ESRRG: variants seen among roughly 807,000 people sequenced by gnomAD.
ESRRG encodes the protein estrogen related receptor gamma, also known as estrogen-related receptor gamma.
Under a neutral mutation model 44.0 loss-of-function variants are expected in ESRRG, and 13 were observed. The observed-to-expected ratio is 0.30, with a 90% confidence interval of 0.19 to 0.47. ESRRG has a LOEUF of 0.47. ESRRG is among the 20% of genes least tolerant of loss of function. The probability of loss-of-function intolerance (pLI) is 1.00; values close to 1 mark genes in which losing one functional copy is unlikely to be tolerated. For synonymous variants in ESRRG, 215 were observed against 214.6 expected, an observed-to-expected ratio of 1.00 and a Z score of -0.02; for missense variants, 395 against 580.6, an observed-to-expected ratio of 0.68 and a Z score of 3.29.
In ESRRG at chr1:216,886,675, A is replaced by T. The variant is rs796613342; in HGVS notation, c.-14+52907T>A. Among the ~76,000 whole-genome samples, 12 of 152,242 alleles carry T rather than the reference A, an allele frequency of 7.9e-5. 1 individual carries two copies. Among genetic ancestry groups the T allele is most frequent in the African/African-American group, 2.6e-4 (11 of 41,542 alleles). Reference sequence around the variant, plus strand: ...ATTTTGTTTTTCCATTATCTTAATTACTAGATTGCCAGGATCCACAAATAT... The same window carrying T: ...ATTTTGTTTTTCCATTATCTTAATTTCTAGATTGCCAGGATCCACAAATAT... On this transcript the variant is annotated intron_variant, in intron 2 of 7. Transcript: ENST00000359162.
intron 2 of ESRRG, among the ~76,000 whole-genome samples, chr1:216,911,036 A>G (rs1356956573): frequency 6.6e-6 from 1 of 152,168 alleles, no homozygotes; most frequent in Non-Finnish European, 1.5e-5. Flanking sequence ...TGTTTATTCT[A>G]CATTTATTTA....
chr1:216,737,236 G>A (rs1380387395), intron 2 of ESRRG, among the ~76,000 whole-genome samples: 1 of 152,086 alleles, frequency 6.6e-6, no homozygotes, highest in Non-Finnish European at 1.5e-5. Flanking sequence ...TAAAATTGGT[G>A]GAGACAGATA....
intron 2 of ESRRG, among the ~76,000 whole-genome samples, chr1:216,900,983 C>T (rs1461415213): frequency 6.6e-6 from 1 of 152,122 alleles, no homozygotes; most frequent in Non-Finnish European, 1.5e-5. Context: ...CTTGCTAGCT[C>T]CCAGCTGTCA....
intron 1 of ESRRG, among the ~76,000 whole-genome samples, chr1:216,991,163 GA>G (rs761717695): frequency 0.017 from 2,554 of 152,160 alleles, 27 homozygotes; most frequent in Non-Finnish European, 0.027. Context: ...CTGATGATCT[GA>G]GGTAAAACAG....
chr1:216,830,859 A>G (rs376476583), intron 2 of ESRRG, among the ~76,000 whole-genome samples: 2 of 152,242 alleles, frequency 1.3e-5, no homozygotes, highest in African/African-American at 4.8e-5. Flanking sequence ...TTATGAGGCT[A>G]TAAATAATGT....
At chr1:217,114,571 T>C (rs2092697933) in intron 1 of ESRRG, among the ~76,000 whole-genome samples, 1 of 151,936 alleles carries the variant, frequency 6.6e-6, no homozygotes, top group Non-Finnish European at 1.5e-5. Context: ...ACTCTGAAAA[T>C]AATTAACTGA....
At chr1:216,779,127 T>A (rs1339664268) in intron 2 of ESRRG, among the ~76,000 whole-genome samples, 1 of 122,234 alleles carries the variant, frequency 8.2e-6, no homozygotes, top group East Asian at 2.2e-4. Context: ...TAATTATATA[T>A]GTAAATATAA....
intron 2 of ESRRG, among the ~76,000 whole-genome samples, chr1:216,823,967 A>G (rs1052895771): frequency 2.0e-5 from 3 of 152,138 alleles, no homozygotes; most frequent in Non-Finnish European, 4.4e-5. Context: ...TGAGCTCTAC[A>G]GTACTTGAGG....
chr1:216,580,588 T>A (rs1294923940), intron 3 of ESRRG, among the ~76,000 whole-genome samples: 1 of 152,164 alleles, frequency 6.6e-6, no homozygotes, highest in East Asian at 1.9e-4. Context: ...ACTTGGGAAA[T>A]TTGACAAATG....
At chr1:216,675,685 C>T (rs1012792404) in intron 2 of ESRRG, among the ~76,000 whole-genome samples, 3 of 152,184 alleles carry the variant, frequency 2.0e-5, no homozygotes, top group African/African-American at 7.2e-5. Context: ...CTAGGCCCAC[C>T]CTCAGAGATT....
intron 1 of ESRRG, among the ~76,000 whole-genome samples, chr1:216,722,626 G>A (rs1470073630): frequency 6.6e-6 from 1 of 151,918 alleles, no homozygotes; most frequent in Non-Finnish European, 1.5e-5. Flanking sequence ...TATTTATAAT[G>A]TGTGAAAATC....
intron 2 of ESRRG, among the ~76,000 whole-genome samples, chr1:216,875,024 G>A (rs1329807541): frequency 6.6e-6 from 1 of 152,112 alleles, no homozygotes; most frequent in Non-Finnish European, 1.5e-5. Flanking sequence ...AAAGTTTTGG[G>A]ATTCGAACTG....
At chr1:216,654,070 C>T (rs2069740450) in intron 2 of ESRRG, among the ~76,000 whole-genome samples, 2 of 151,526 alleles carry the variant, frequency 1.3e-5, no homozygotes, top group African/African-American at 2.4e-5. Flanking sequence ...TTTCAGTGAG[C>T]CAAGATCATG....
At chr1:216,567,003 T>C (rs2059794241) in intron 4 of ESRRG, among the ~76,000 whole-genome samples, 1 of 152,204 alleles carries the variant, frequency 6.6e-6, no homozygotes, top group Non-Finnish European at 1.5e-5. Context: ...CAGTGACCCC[T>C]CCTGGAGAAT....
intron 1 of ESRRG, among the ~76,000 whole-genome samples, chr1:216,700,680 CTCT>C (rs2151860806): frequency 6.6e-6 from 1 of 152,294 alleles, no homozygotes; most frequent in South Asian, 2.1e-4. Flanking sequence ...AGATGAGAAC[CTCT>C]TCAAATATCT....
intron 2 of ESRRG, among the ~76,000 whole-genome samples, chr1:216,753,677 G>T (rs984703496): frequency 1.3e-5 from 2 of 152,048 alleles, no homozygotes; most frequent in Admixed American, 6.6e-5. Context: ...CTGTGGTATA[G>T]CCCTTTAACA....
At chr1:216,659,762 A>T (rs1218664970) in intron 2 of ESRRG, among the ~76,000 whole-genome samples, 1 of 152,116 alleles carries the variant, frequency 6.6e-6, no homozygotes, top group Admixed American at 6.5e-5. Context: ...TTCATCCCGT[A>T]CTTACCTTTC....
intron 3 of ESRRG, among the ~76,000 whole-genome samples, chr1:216,596,235 G>T (rs978828168): frequency 6.6e-6 from 1 of 152,168 alleles, no homozygotes; most frequent in East Asian, 1.9e-4. Context: ...CTGTCACTGC[G>T]AGAGCTTTTC....
At chr1:216,705,164 C>A (rs1262760306) in intron 1 of ESRRG, among the ~76,000 whole-genome samples, 3 of 152,000 alleles carry the variant, frequency 2.0e-5, no homozygotes, top group East Asian at 3.9e-4. Context: ...TATCTAGGCA[C>A]AAAACACACA....
Sources: gnomAD v4.1 joint callset for allele counts (sites outside exome capture counted in the v4.1 genomes callset) on GRCh38, gnomAD v4.1.1 for gene constraint, MANE v1.5 for transcripts, NCBI Gene and HGNC (gene_info 2026-07-23, HGNC 2026-07-21) for gene names.